Variants in CCSER1 observed in about 807,000 individuals in gnomAD.
CCSER1 encodes serine-rich coiled-coil domain-containing protein 1.
In CCSER1, 41 loss-of-function variants were observed where a neutral mutation model predicts 82.0. That is an observed-to-expected ratio of 0.50 (90% CI 0.39 to 0.65). CCSER1 has a LOEUF of 0.65. CCSER1 is among the 30% of genes least tolerant of loss of function. CCSER1 has a pLI of 0.00. For missense variants in CCSER1, 1,119 were observed against 1,064.2 expected, an observed-to-expected ratio of 1.05 and a Z score of -0.72; for synonymous variants, 414 against 383.9, an observed-to-expected ratio of 1.08 and a Z score of -0.92.
intron 7 of CCSER1, among the ~76,000 whole-genome samples, chr4:90,742,577 G>T (rs1367554026): frequency 6.6e-6 from 1 of 152,060 alleles, no homozygotes; most frequent in African/African-American, 2.4e-5. Flanking sequence ...ACTAGCCCCT[G>T]AATCTGCTGA....
intron 4 of CCSER1, among the ~76,000 whole-genome samples, chr4:90,456,716 A>G (rs189776252): frequency 2.0e-5 from 3 of 152,308 alleles, no homozygotes; most frequent in Non-Finnish European, 4.4e-5. Flanking sequence ...GTCACTTTCA[A>G]CTGGCCAAGA....
chr4:90,358,226 G>A (rs1302471144), intron 3 of CCSER1, among the ~76,000 whole-genome samples: 1 of 151,562 alleles, frequency 6.6e-6, no homozygotes, highest in Non-Finnish European at 1.5e-5. Flanking sequence ...CTTTTGTCTA[G>A]TACACATTTA....
chr4:90,907,070 C>T (rs1017593110), intron 8 of CCSER1, among the ~76,000 whole-genome samples: 3 of 152,118 alleles, frequency 2.0e-5, no homozygotes, highest in Non-Finnish European at 2.9e-5. Flanking sequence ...CTAGTACATT[C>T]TTCTCTGAAC....
At chr4:90,329,553 C>T (rs746730768) in intron 3 of CCSER1, among the ~76,000 whole-genome samples, 12 of 152,056 alleles carry the variant, frequency 7.9e-5, no homozygotes, top group Admixed American at 2.0e-4. Context: ...CTAAAAATTC[C>T]TAAATGTTCA....
At chr4:90,425,990 A>G (rs1757477729) in intron 4 of CCSER1, among the ~76,000 whole-genome samples, 1 of 152,148 alleles carries the variant, frequency 6.6e-6, no homozygotes, top group Admixed American at 6.5e-5. Flanking sequence ...GTAAGAAAAG[A>G]CATCCTAGAG....
chr4:91,291,057 AT>A (rs1268408497), intron 10 of CCSER1, among the ~76,000 whole-genome samples: 1 of 151,096 alleles, frequency 6.6e-6, no homozygotes, highest in African/African-American at 2.4e-5. Context: ...ATTAAAATCA[AT>A]TTTTTCTTTT....
At chr4:90,352,342 A>AAAAAC (rs1381937433) in intron 3 of CCSER1, among the ~76,000 whole-genome samples, 1 of 151,392 alleles carries the variant, frequency 6.6e-6, no homozygotes, top group African/African-American at 2.4e-5. Context: ...CAAAAACCAA[A>AAAAAC]AAAACAAAAC....
intron 7 of CCSER1, among the ~76,000 whole-genome samples, chr4:90,728,945 T>C (rs1744214521): frequency 6.6e-6 from 1 of 152,212 alleles, no homozygotes. Context: ...TAAAACAATG[T>C]TTATTTTTAA....
chr4:90,751,769 T>C (rs1323655045), intron 7 of CCSER1, among the ~76,000 whole-genome samples: 2 of 152,084 alleles, frequency 1.3e-5, no homozygotes, highest in African/African-American at 4.8e-5. Context: ...TGTGTTCCTT[T>C]TTCTTAACAA....
At chr4:91,225,631 G>A (rs1373952096) in intron 10 of CCSER1, among the ~76,000 whole-genome samples, 1 of 151,538 alleles carries the variant, frequency 6.6e-6, no homozygotes, top group Non-Finnish European at 1.5e-5. Flanking sequence ...ACAAAGGAAG[G>A]CAGAATTTGT....
chr4:90,230,679 A>AGGAGCT (rs1744315406), intron 1 of CCSER1, among the ~76,000 whole-genome samples: 1 of 148,926 alleles, frequency 6.7e-6, no homozygotes. Flanking sequence ...TAATGAATCC[A>AGGAGCT]GGAGCTGGTT....
chr4:90,716,691 T>C (rs1741700039), intron 6 of CCSER1, among the ~76,000 whole-genome samples: 1 of 152,146 alleles, frequency 6.6e-6, no homozygotes. Flanking sequence ...ACTTGTAGCC[T>C]GAGAGCAATA....
intron 4 of CCSER1, among the ~76,000 whole-genome samples, chr4:90,439,694 A>G (rs937814025): frequency 1.3e-5 from 2 of 152,252 alleles, no homozygotes; most frequent in East Asian, 1.9e-4. Context: ...TTGCTATCTA[A>G]TATAGAAGAA....
chr4:91,238,712 A>T (rs1420390830), intron 10 of CCSER1, among the ~76,000 whole-genome samples: 1 of 152,172 alleles, frequency 6.6e-6, no homozygotes, highest in Non-Finnish European at 1.5e-5. Flanking sequence ...CCATTAGTGG[A>T]TCTCTGCAGC....
At chr4:91,075,315 G>A (rs150415057) in intron 9 of CCSER1, among the ~76,000 whole-genome samples, 102 of 151,970 alleles carry the variant, frequency 6.7e-4, no homozygotes, top group Admixed American at 1.2e-3. Flanking sequence ...TTTGTCTCAT[G>A]TGATTAATTT....
intron 10 of CCSER1, among the ~76,000 whole-genome samples, chr4:91,154,520 A>G (rs1311615821): frequency 1.3e-5 from 2 of 151,912 alleles, no homozygotes; most frequent in Non-Finnish European, 2.9e-5. Flanking sequence ...CTTGGGTTGC[A>G]CCCACTGTCC....
chr4:91,462,791 G>C (rs931907530), intron 10 of CCSER1, among the ~76,000 whole-genome samples: 1 of 152,156 alleles, frequency 6.6e-6, no homozygotes, highest in Admixed American at 6.5e-5. Context: ...CGAACTGCAA[G>C]GCAGCAGTGA....
chr4:91,421,081 G>A (rs1753659176), intron 10 of CCSER1, among the ~76,000 whole-genome samples: 1 of 152,122 alleles, frequency 6.6e-6, no homozygotes, highest in South Asian at 2.1e-4. Flanking sequence ...AGTTGGTCAG[G>A]GGTACAAACT....
intron 1 of CCSER1, among the ~76,000 whole-genome samples, chr4:90,181,831 C>T (rs553574305): frequency 5.3e-5 from 8 of 152,132 alleles, no homozygotes; most frequent in Non-Finnish European, 1.2e-4. Flanking sequence ...GACTGAGGTG[C>T]CTTTATCTGT....
Sources: gnomAD v4.1 joint callset for allele counts (sites outside exome capture counted in the v4.1 genomes callset) on GRCh38, gnomAD v4.1.1 for gene constraint, MANE v1.5 for transcripts, NCBI Gene and HGNC (gene_info 2026-07-23, HGNC 2026-07-21) for gene names.